The following C12orf75 variants were observed in gnomAD, a reference collection of about 807,000 sequenced individuals.
The protein encoded by C12orf75 is chromosome 12 open reading frame 75, also known as overexpressed in colon carcinoma 1 protein.
A neutral mutation model predicts 11.4 loss-of-function variants in C12orf75; 4 were observed. The observed-to-expected ratio is 0.35, with a 90% CI of 0.17 to 0.80. The LOEUF (loss-of-function observed/expected upper bound fraction) is 0.80. C12orf75 is among the 30% of genes least tolerant of loss of function. C12orf75 has a pLI of 0.52. For synonymous variants in C12orf75, 30 were observed against 30.0 expected, an observed-to-expected ratio of 1.00 and a Z score of 0.00; for missense variants, 89 against 80.4, an observed-to-expected ratio of 1.11 and a Z score of -0.41.
At chr12:105,365,940 C>T in intron 3 of C12orf75, 98 bp downstream of exon 3, 1 of 817,926 alleles carries the variant, frequency 1.2e-6, no homozygotes, top group Non-Finnish European at 2.1e-6. Context: ...ACAGATTCTG[C>T]CAGGAAAACT....
At chr12:105,349,618 G>T (rs1892685755) in intron 2 of C12orf75, among the ~76,000 whole-genome samples, 1 of 152,222 alleles carries the variant, frequency 6.6e-6, no homozygotes, top group Non-Finnish European at 1.5e-5. Context: ...GCGCATGCCT[G>T]TAATCCCAGC....
chr12:105,356,606 T>A (rs907068624), intron 2 of C12orf75, among the ~76,000 whole-genome samples: 16 of 152,174 alleles, frequency 1.1e-4, no homozygotes, highest in Non-Finnish European at 5.9e-5. Context: ...AATTTTCAGG[T>A]AAGTTGTAGC....
chr12:105,336,645 G>A (rs1433864627), intron 1 of C12orf75, among the ~76,000 whole-genome samples: 1 of 152,178 alleles, frequency 6.6e-6, no homozygotes, highest in Non-Finnish European at 1.5e-5. Context: ...TGGGCCCTGA[G>A]GGGTAGAAGC....
At chr12:105,346,287 T>G (rs184362349) in intron 1 of C12orf75, among the ~76,000 whole-genome samples, 1 of 152,290 alleles carries the variant, frequency 6.6e-6, no homozygotes, top group East Asian at 1.9e-4. Context: ...GGACACGTGT[T>G]CTCCAGACCT....
intron 5 of C12orf75, among the ~76,000 whole-genome samples, chr12:105,368,218 A>C (rs1351976760): frequency 6.6e-6 from 1 of 152,216 alleles, no homozygotes; most frequent in African/African-American, 2.4e-5. Context: ...CCATACAGAC[A>C]AAGAATCTTA....
At chr12:105,363,607 C>G (rs1243082181) in intron 2 of C12orf75, among the ~76,000 whole-genome samples, 1 of 152,078 alleles carries the variant, frequency 6.6e-6, no homozygotes, top group Non-Finnish European at 1.5e-5. Flanking sequence ...GGCCTGGAAT[C>G]CCAGCTACTC....
intron 1 of C12orf75, among the ~76,000 whole-genome samples, chr12:105,346,318 A>T (rs1392819233): frequency 1.3e-5 from 2 of 152,242 alleles, no homozygotes; most frequent in Middle Eastern, 6.3e-3. Context: ...TATCACAGGC[A>T]TTCCTTAACC....
At chr12:105,341,896 T>C (rs964577868) in intron 1 of C12orf75, among the ~76,000 whole-genome samples, 18 of 152,204 alleles carry the variant, frequency 1.2e-4, no homozygotes, top group Non-Finnish European at 1.2e-4. Context: ...TGAGATCTGA[T>C]GGTTTTATAA....
chr12:105,364,942 A>G (rs769941102), intron 2 of C12orf75, among the ~76,000 whole-genome samples: 1 of 151,342 alleles, frequency 6.6e-6, no homozygotes, highest in Non-Finnish European at 1.5e-5. Context: ...CCCGGGTTCA[A>G]GGATTCCTGT....
rs1555265700 is a variant in C12orf75, at chr12:105,355,189, T to TTTC, written c.71+6564_71+6566dup. On this transcript the variant is annotated intron_variant, in intron 2 of 5. Transcript: ENST00000443585. ...TTTTCTTTTTCTTTTTCTTTTTTTT[T>TTTC]TTCAGAGTTTTGCTCTCTTGCCCAG... is the stretch of plus-strand genomic sequence containing the variant. Among the ~76,000 whole-genome samples the TTTC allele has an allele frequency of 9.5e-4, 132 of 139,554 alleles. 3 individuals are homozygous for TTTC. The highest frequency in any genetic ancestry group is 2.8e-3 in the African/African-American group (108 of 38,384). 91.6% of individuals were successfully genotyped at this position (139,554 alleles called of 152,430 possible).
At chr12:105,345,496 T>G (rs961136481) in intron 1 of C12orf75, among the ~76,000 whole-genome samples, 9 of 144,372 alleles carry the variant, frequency 6.2e-5, no homozygotes, top group African/African-American at 2.0e-4. Context: ...AAAACAAATA[T>G]AAAAAAAAAA....
At chr12:105,357,020 G>C (rs1160616395) in intron 2 of C12orf75, among the ~76,000 whole-genome samples, 1 of 152,180 alleles carries the variant, frequency 6.6e-6, no homozygotes, top group Non-Finnish European at 1.5e-5. Flanking sequence ...ACCCCAAAGA[G>C]CAGCCACAGA....
intron 5 of C12orf75, among the ~76,000 whole-genome samples, chr12:105,369,456 T>C (rs949016288): frequency 2.0e-5 from 3 of 152,224 alleles, no homozygotes; most frequent in African/African-American, 7.2e-5. Context: ...TTTATTTTTA[T>C]TTTACTTTAA....
chr12:105,362,377 T>A (rs1892881503), intron 2 of C12orf75, among the ~76,000 whole-genome samples: 1 of 77,630 alleles, frequency 1.3e-5, no homozygotes, highest in African/African-American at 6.1e-5. Flanking sequence ...AGAGCGAGAC[T>A]CCGTCTCAAA....
intron 2 of C12orf75, among the ~76,000 whole-genome samples, chr12:105,365,446 A>G (rs544811232): frequency 6.6e-6 from 1 of 152,296 alleles, no homozygotes; most frequent in East Asian, 1.9e-4. Flanking sequence ...CAGCTCGCCC[A>G]CAGCCTGTCT....
At chr12:105,344,243 A>G (rs1218535843) in intron 1 of C12orf75, among the ~76,000 whole-genome samples, 1 of 152,192 alleles carries the variant, frequency 6.6e-6, no homozygotes, top group Non-Finnish European at 1.5e-5. Context: ...TTGGCCCAGT[A>G]TGTCCTCATT....
intron 1 of C12orf75, among the ~76,000 whole-genome samples, chr12:105,345,215 G>T (rs1257529253): frequency 6.6e-6 from 1 of 152,208 alleles, no homozygotes; most frequent in Non-Finnish European, 1.5e-5. Flanking sequence ...CAGGCCAGGT[G>T]TGGTGGCTCA....
chr12:105,370,601 T>C, intron 5 of C12orf75, 33 bp from the exon 6 acceptor site: 1 of 457,624 alleles, frequency 2.2e-6, no homozygotes, highest in Non-Finnish European at 4.4e-6. Context: ...ACCTGTTTGC[T>C]CACTCTTTTC....
intron 1 of C12orf75, among the ~76,000 whole-genome samples, chr12:105,348,227 C>T (rs1235921790): frequency 6.6e-6 from 1 of 152,036 alleles, no homozygotes; most frequent in Non-Finnish European, 1.5e-5. Context: ...GCAGCCTGGG[C>T]AACATGGTGA....
Sources: gnomAD v4.1 joint callset for allele counts (sites outside exome capture counted in the v4.1 genomes callset) on GRCh38, gnomAD v4.1.1 for gene constraint, MANE v1.5 for transcripts, NCBI Gene and HGNC (gene_info 2026-07-23, HGNC 2026-07-21) for gene names.